The following MRPL9 variants were observed in gnomAD, a reference collection of about 807,000 sequenced individuals.
MRPL9 encodes the protein large ribosomal subunit protein bL9m.
A neutral mutation model predicts 27.6 loss-of-function variants in MRPL9; 25 were observed. The ratio of observed to expected loss-of-function variants is 0.91; its 90% CI spans 0.66 to 1.27. The LOEUF (loss-of-function observed/expected upper bound fraction) is 1.27. MRPL9 is among the 50% of genes most tolerant of loss of function. The pLI is 0.00. For missense variants in MRPL9, 362 were observed against 338.0 expected, an observed-to-expected ratio of 1.07 and a Z score of -0.56; for synonymous variants, 154 against 139.0, an observed-to-expected ratio of 1.11 and a Z score of -0.76.
At position 151,763,010 on chromosome 1, in the gene MRPL9, A is replaced by C. The variant is rs1198082436; in HGVS notation, c.290T>G (p.Ile97Ser). 6.2e-7 allele frequency: 1 copy of C among 1,614,128 alleles called. No individual in the cohort carries two copies. Among genetic ancestry groups the C allele is most frequent in the Non-Finnish European group, 8.5e-7 (1 of 1,180,008 alleles). ...CTTACTCTCCACCGACTGCGTCAGG[A>C]TGAGCTCCAGGTTTTCTTTGGGCCG... is the stretch of plus-strand genomic sequence containing the variant. ...KHRPKENLELILTQSVENVGV... is the reference protein window; with the variant it reads ...KHRPKENLELSLTQSVENVGV... The change falls in exon 2 of 7, where the codon ATC becomes AGC. Residue 97 changes from isoleucine to serine, a missense_variant. Transcript: ENST00000368830.
At position 151,762,935 on chromosome 1, in the gene MRPL9, A is replaced by C. The variant is rs771069509; in HGVS notation, c.310+55T>G. 5 of 1,583,794 alleles carry C rather than the reference A, an allele frequency of 3.2e-6. No individual in the cohort carries two copies. The Admixed American group carries it at 9.1e-5, about 29-fold the overall frequency. Reference sequence around the variant, plus strand: ...ATAGTTGAGGGGGACGGGCTAGAAAAAGCTGATGCCAAACCGGACCAGCCT... The same window carrying C: ...ATAGTTGAGGGGGACGGGCTAGAAACAGCTGATGCCAAACCGGACCAGCCT... On this transcript the variant is annotated intron_variant, in intron 2 of 6. Transcript: ENST00000368830.
chr1:151,759,887 G>T lies in MRPL9; in HGVS notation c.*163C>A. ...GCCCCAGTGATGACAGTTAAAGATG[G>T]CAAAAATGAAGAATTCAACATGTAT... is the stretch of plus-strand genomic sequence containing the variant. On this transcript the variant is annotated 3_prime_UTR_variant, in exon 7 of 7. Coordinates refer to ENST00000368830, the MANE Select transcript of MRPL9 (RefSeq NM_031420.4). 1.1e-6 allele frequency: 1 copy of T among 915,834 alleles called. No individual in the cohort carries two copies. The highest frequency in any genetic ancestry group is 1.5e-6 in the Non-Finnish European group (1 of 647,426). The allele number at this position is 915,834 out of a possible 1,614,324, so 56.7% of individuals were successfully genotyped here.
In MRPL9 at chr1:151,760,184, G is replaced by C. The variant is rs756511333; in HGVS notation, c.673-3C>G. ...CTCACAGTATCAAGCCCATTTACCTGCACACAAAACAATGGGAATTCTCAG... is the reference window on the plus strand; with the variant it reads ...CTCACAGTATCAAGCCCATTTACCTCCACACAAAACAATGGGAATTCTCAG... On this transcript the variant is annotated splice_region_variant and splice_polypyrimidine_tract_variant and intron_variant, in intron 6 of 6. Coordinates refer to ENST00000368830, the MANE Select transcript of MRPL9 (RefSeq NM_031420.4). The C allele has an allele frequency of 6.2e-7, 1 of 1,613,858 alleles. No individual in the cohort carries two copies. The highest frequency in any genetic ancestry group is 8.5e-7 in the Non-Finnish European group (1 of 1,179,936).
Position 151,762,115 on chromosome 1 carries a change from G to C in MRPL9, c.476C>G (p.Ala159Gly). 1.2e-6 allele frequency: 2 copies of C among 1,614,148 alleles called. No homozygotes were observed. Among genetic ancestry groups the C allele is most frequent in the Non-Finnish European group, 1.7e-6 (2 of 1,179,982 alleles). Reference sequence around the variant, plus strand: ...TATGTTTCTACTCACCGCCTCACCTGCCTTGGTCTGGATCTTCTCTAATTT... The same window carrying C: ...TATGTTTCTACTCACCGCCTCACCTCCCTTGGTCTGGATCTTCTCTAATTT... ...EGKLEKIQTK[A>G]GEATVKFLKS... is the part of the protein sequence containing the mutation. The change falls in exon 4 of 7, where the codon GCA (alanine) becomes GGA (glycine). Residue 159 changes from alanine (A) to glycine (G), a missense_variant. Physicochemically the swap from Ala to Gly is moderately conservative, Grantham distance 60 (BLOSUM62 0). Transcript: ENST00000368830.
chr1:151,762,890 A>G, intron 2 of MRPL9, 100 bp downstream of exon 2: 1 of 1,413,526 alleles, frequency 7.1e-7, no homozygotes, highest in Non-Finnish European at 9.7e-7. Flanking sequence ...GATTGTTTCC[A>G]CAAAGAAAAA....
intron 6 of MRPL9, 136 bp downstream of exon 6, chr1:151,760,680 A>T: frequency 1.4e-6 from 1 of 694,062 alleles, no homozygotes. Flanking sequence ...CTGAGGTGGG[A>T]GGATCGCTTG....
At chr1:151,762,355 C>T (rs901551314) in intron 3 of MRPL9, 21 bp downstream of exon 3, 41 of 1,613,778 alleles carry the variant, frequency 2.5e-5, no homozygotes, top group Non-Finnish European at 3.4e-5. Flanking sequence ...CCAAGTCTCT[C>T]TGTCCTTCCT....
intron 6 of MRPL9, among the ~76,000 whole-genome samples, chr1:151,760,521 GA>G (rs1483849166): frequency 2.8e-5 from 4 of 142,778 alleles, no homozygotes; most frequent in African/African-American, 7.9e-5. Context: ...AGGTTGCAGT[GA>G]GCTGAGATCG....
intron 6 of MRPL9, 118 bp downstream of exon 6, chr1:151,760,698 G>C: frequency 2.2e-6 from 2 of 894,890 alleles, no homozygotes; most frequent in Non-Finnish European, 1.6e-6. Context: ...TTGAACCCAG[G>C]AGTTTGAATC....
chr1:151,760,921 A>AAAT, intron 5 of MRPL9, 22 bp from the exon 6 acceptor site: 2 of 1,540,780 alleles, frequency 1.3e-6, no homozygotes, highest in African/African-American at 2.9e-5. Flanking sequence ...AAAAAAAAAA[A>AAAT]AAAAATCTCA....
chr1:151,760,862 G>T lies in MRPL9; in HGVS notation c.626C>A (p.Pro209Gln). ...VVVAPHTLKLPEEPITRWGEY... is the reference protein window; with the variant it reads ...VVVAPHTLKLQEEPITRWGEY... ...GCCCCACCGTGTGATAGGCTCTTCT[G>T]GTAACTTTAATGTATGTGGGGCAAC... Residue 209 changes from proline (P) to glutamine (Q), a missense_variant, in exon 6 of 7, where the codon CCA becomes CAA. Physicochemically the swap from Pro to Gln is moderately conservative, Grantham distance 76. Transcript: ENST00000368830. The T allele has an allele frequency of 6.4e-7, 1 of 1,574,566 alleles. No homozygotes were observed.
Position 151,760,921 on chromosome 1 carries a change from A to AAAAAAAT in MRPL9, c.589-23_589-22insATTTTTT, listed in dbSNP as rs1553276958. ...CAAGCTGCAAAAAAAAAAAAAAAAA[A>AAAAAAAT]AAAAATCTCAGCTCAAATGAACTCT... On this transcript the variant is annotated intron_variant, in intron 5 of 6. Coordinates refer to ENST00000368830, the MANE Select transcript of MRPL9 (RefSeq NM_031420.4). The AAAAAAAT allele has an allele frequency of 2.2e-4, 346 of 1,540,756 alleles. No individual in the cohort carries two copies. In the African/African-American group the frequency reaches 4.3e-3, roughly 19 times the overall value.
Position 151,760,903 on chromosome 1 carries a change from CAAAAAAAAAAA to C in MRPL9, c.589-15_589-5del. 4.2e-6 allele frequency: 4 copies of C among 952,370 alleles called. No homozygotes were observed. Among genetic ancestry groups the C allele is most frequent in the Non-Finnish European group, 5.4e-6 (4 of 735,534 alleles). The allele number at this position is 952,370 out of a possible 1,614,324, so 59.0% of individuals were successfully genotyped here. On this transcript the variant is annotated splice_polypyrimidine_tract_variant and splice_region_variant and intron_variant, in intron 5 of 6. Coordinates refer to ENST00000368830, the MANE Select transcript of MRPL9 (RefSeq NM_031420.4). ...GTGGGGCAACCACAACACCAAGCTG[CAAAAAAAAAAA>C]AAAAAAAAAAAATCTCAGCTCAAAT...
rs12063119 is a variant in MRPL9 at position 151,762,798 on chromosome 1, T to G, written c.310+192A>C. The G allele has an allele frequency of 0.01, 7,739 of 769,622 alleles. 416 individuals carry two copies. In the African/African-American group the frequency reaches 0.12, roughly 12 times the overall value. The allele number at this position is 769,622 out of a possible 1,614,324, so 47.7% of individuals were successfully genotyped here. A position where few individuals can be genotyped will look rare whatever the true frequency, so the allele number is the denominator to read the frequency against. ...CACACTGTTAATGATGTTGCTGCCTTTATGTTTTAATTTTCAATGCTGGAG... is the reference window on the plus strand; with the variant it reads ...CACACTGTTAATGATGTTGCTGCCTGTATGTTTTAATTTTCAATGCTGGAG... On this transcript the variant is annotated intron_variant, in intron 2 of 6. Transcript: ENST00000368830.
At position 151,761,597 on chromosome 1, in the gene MRPL9, A is replaced by G. The variant is rs776230300; in HGVS notation, c.487-45T>C. On this transcript the variant is annotated intron_variant, in intron 4 of 6. Coordinates refer to ENST00000368830, the MANE Select transcript of MRPL9 (RefSeq NM_031420.4). ...TGAGTCAAAGGAGAGGAAACATGTC[A>G]GGGTCACAGGGTATGCAAGCCAAGC... 56 of 1,427,100 alleles carry G rather than the reference A, an allele frequency of 3.9e-5. No individual in the cohort carries two copies. The East Asian group carries it at 1.2e-3, about 30-fold the overall frequency. The allele number at this position is 1,427,100 out of a possible 1,614,324, so 88.4% of individuals were successfully genotyped here.
At chr1:151,763,172 G>C (rs1395111433) in intron 1 of MRPL9, 26 bp from the exon 2 acceptor site, 6 of 1,610,178 alleles carry the variant, frequency 3.7e-6, no homozygotes, top group Non-Finnish European at 5.1e-6. Flanking sequence ...GCGACGGTAA[G>C]CTAGTCTCCA....
intron 6 of MRPL9, 122 bp downstream of exon 6, chr1:151,760,694 C>G: frequency 2.3e-6 from 2 of 872,192 alleles, no homozygotes; most frequent in East Asian, 5.5e-5. Flanking sequence ...TCGCTTGAAC[C>G]CAGGAGTTTG....
chr1:151,761,078 T>C (rs1406760984), intron 5 of MRPL9, among the ~76,000 whole-genome samples, 179 bp from the exon 6 acceptor site: 3 of 152,074 alleles, frequency 2.0e-5, no homozygotes, highest in African/African-American at 4.8e-5. Flanking sequence ...TCATAGACGG[T>C]AGTAGAGAAA....
At chr1:151,762,275 C>T in intron 3 of MRPL9, 101 bp downstream of exon 3, 2 of 1,582,632 alleles carry the variant, frequency 1.3e-6, no homozygotes, top group Non-Finnish European at 8.7e-7. Context: ...CTTCTAGTTC[C>T]TATTTCATTT....
Sources: gnomAD v4.1 joint callset for allele counts (sites outside exome capture counted in the v4.1 genomes callset) on GRCh38, gnomAD v4.1.1 for gene constraint, MANE v1.5 for transcripts, NCBI Gene and HGNC (gene_info 2026-07-23, HGNC 2026-07-21) for gene names.